ZMIZ1: variants seen among roughly 807,000 people sequenced by gnomAD.
ZMIZ1 encodes zinc finger MIZ-type containing 1.
ZMIZ1 carries 17 observed loss-of-function variants against 113.9 expected under a neutral mutation model. The ratio of observed to expected loss-of-function variants is 0.15; its 90% CI spans 0.10 to 0.22. The LOEUF is 0.22. ZMIZ1 is among the 10% of genes least tolerant of loss of function. The pLI is 1.00. For missense variants in ZMIZ1, 1,059 were observed against 1,477.8 expected (o/e 0.72, Z 4.65); for synonymous variants, 607 against 603.1 (o/e 1.01, Z -0.09).
At chr10:79,303,695 A>G (rs1486436453) in intron 18 of ZMIZ1, among the ~76,000 whole-genome samples, 1 of 152,218 alleles carries the variant, frequency 6.6e-6, no homozygotes, top group Admixed American at 6.5e-5. Context: ...GAGAAGTGCC[A>G]TAATGACTTT....
intron 4 of ZMIZ1, among the ~76,000 whole-genome samples, chr10:79,191,376 G>GGT (rs1564709312): frequency 6.6e-6 from 1 of 151,902 alleles, no homozygotes; most frequent in Non-Finnish European, 1.5e-5. Flanking sequence ...TGGTGGTCGG[G>GGT]GGGGGTCCTG....
At chr10:79,281,275 G>T (rs951717276) in intron 8 of ZMIZ1, among the ~76,000 whole-genome samples, 1 of 152,152 alleles carries the variant, frequency 6.6e-6, no homozygotes, top group African/African-American at 2.4e-5. Context: ...AGACTCACTG[G>T]GGCCACGTTG....
chr10:79,172,683 C>T (rs2132536415), intron 4 of ZMIZ1, among the ~76,000 whole-genome samples: 1 of 152,320 alleles, frequency 6.6e-6, no homozygotes, highest in South Asian at 2.1e-4. Flanking sequence ...CCCATCCAAC[C>T]TTCACTCCTG....
intron 1 of ZMIZ1, among the ~76,000 whole-genome samples, chr10:79,097,755 G>C (rs942915810): frequency 3.9e-5 from 6 of 152,054 alleles, no homozygotes; most frequent in African/African-American, 1.4e-4. Context: ...ATCAATTTCT[G>C]TCACTTTGGG....
chr10:79,202,812 G>A (rs987164118), intron 5 of ZMIZ1, among the ~76,000 whole-genome samples: 1 of 152,246 alleles, frequency 6.6e-6, no homozygotes, highest in African/African-American at 2.4e-5. Flanking sequence ...GAAGGACCAG[G>A]TACAGTGAGA....
In ZMIZ1 at chr10:79,296,069, A is replaced by C; in HGVS notation, c.1231-402A>C. On this transcript the variant is annotated intron_variant, in intron 12 of 24. Coordinates refer to ENST00000334512, the MANE Select transcript of ZMIZ1 (RefSeq NM_020338.4). This position sits in a 1 kb window ranked among gnomAD's most constrained non-coding sequence, Gnocchi z 4.1. ...GGGGCACAGGGGGCTCCTTTCTGGA[A>C]TTGCATCCTGTTGACTGTGTTCCTC... 4.5e-6 allele frequency: 1 copy of C among 220,348 alleles called. No individual in the cohort carries two copies. Among genetic ancestry groups the C allele is most frequent in the Non-Finnish European group, 9.2e-6 (1 of 109,154 alleles). 13.6% of individuals were successfully genotyped at this position (220,348 alleles called of 1,614,324 possible). A position where few individuals can be genotyped will look rare whatever the true frequency, so the allele number is the denominator to read the frequency against.
In ZMIZ1 at chr10:79,289,896, G is replaced by GC; in HGVS notation, c.540+9dup. ...CAACACATCCCAGAGCCAGGTAAGA[G>GC]CCTATACTGCCCTCAGCCACAGCTC... On this transcript the variant is annotated splice_region_variant and intron_variant, in intron 9 of 24. Transcript: ENST00000334512. The GC allele has an allele frequency of 1.2e-6, 2 of 1,612,532 alleles. No individual in the cohort carries two copies. The highest frequency in any genetic ancestry group is 8.5e-7 in the Non-Finnish European group (1 of 1,178,700).
intron 1 of ZMIZ1, among the ~76,000 whole-genome samples, chr10:79,071,544 G>A (rs879792288): frequency 2.6e-5 from 4 of 152,170 alleles, no homozygotes; most frequent in Admixed American, 1.3e-4. Context: ...TGAGATGAGA[G>A]AGCAAGCTCT....
chr10:79,201,665 C>T lies in ZMIZ1; in HGVS notation c.33C>T (p.Thr11=). Reference sequence around the variant, plus strand: ...CTATGGACAGGCACATCCAGCAGACCAATGACCGACTGCAGTGCATCAAGC... The same window carrying T: ...CTATGGACAGGCACATCCAGCAGACTAATGACCGACTGCAGTGCATCAAGC... The part of the protein sequence containing the change: MNSMDRHIQQ[T]NDRLQCIKQH... The change falls in exon 5 of 25, where the codon ACC becomes ACT. Residue 11 remains threonine, a synonymous_variant. Coordinates refer to ENST00000334512, the MANE Select transcript of ZMIZ1 (RefSeq NM_020338.4). 6.2e-7 allele frequency: 1 copy of T among 1,613,554 alleles called. No individual in the cohort carries two copies. Among genetic ancestry groups the T allele is most frequent in the South Asian group, 1.1e-5 (1 of 91,008 alleles).
At chr10:79,210,593 C>G (rs1340742970) in intron 6 of ZMIZ1, among the ~76,000 whole-genome samples, 1 of 152,218 alleles carries the variant, frequency 6.6e-6, no homozygotes, top group Non-Finnish European at 1.5e-5. Flanking sequence ...ACTGCTAATG[C>G]AAAGGCCCTG....
At chr10:79,100,642 A>C (rs975399431) in intron 1 of ZMIZ1, among the ~76,000 whole-genome samples, 8 of 152,198 alleles carry the variant, frequency 5.3e-5, no homozygotes, top group African/African-American at 1.9e-4. Context: ...CAGTAGCTGC[A>C]GTGGCTGCTT....
chr10:79,211,832 TGGGCTTAG>T (rs1025596862), intron 6 of ZMIZ1, among the ~76,000 whole-genome samples: 1 of 152,122 alleles, frequency 6.6e-6, no homozygotes, highest in Non-Finnish European at 1.5e-5. Context: ...CTCCCTCCCG[TGGGCTTAG>T]GGAACGGCGG....
At position 79,211,433 on chromosome 10, in the gene ZMIZ1, C is replaced by T. The variant is rs555914919; in HGVS notation, c.174+2984C>T. Among the ~76,000 whole-genome samples, 12 of 152,236 alleles carry T rather than the reference C, an allele frequency of 7.9e-5. 1 individual carries two copies. In the South Asian group the frequency reaches 2.5e-3, roughly 32 times the overall value. On this transcript the variant is annotated intron_variant, in intron 6 of 24. Transcript: ENST00000334512. ...GGGCAAGACAGCTGTCCCCTCCCCA[C>T]ACAAACGCACACACACCCTCCCTAT... is the stretch of plus-strand genomic sequence containing the variant.
chr10:79,119,487 C>T (rs975575616), intron 2 of ZMIZ1, among the ~76,000 whole-genome samples: 6 of 152,210 alleles, frequency 3.9e-5, no homozygotes, highest in Admixed American at 3.3e-4. Context: ...GAAAACTGAA[C>T]GTCACTCACT....
At chr10:79,240,137 C>G (rs962314568) in intron 7 of ZMIZ1, among the ~76,000 whole-genome samples, 1 of 151,786 alleles carries the variant, frequency 6.6e-6, no homozygotes, top group African/African-American at 2.4e-5. Context: ...CAAGCGCTGG[C>G]GGGCATTCAT....
At chr10:79,217,861 C>T (rs1848802258) in intron 7 of ZMIZ1, among the ~76,000 whole-genome samples, 1 of 152,226 alleles carries the variant, frequency 6.6e-6, no homozygotes, top group Admixed American at 6.5e-5. Context: ...GTCTTGGAAT[C>T]TCACAAGGGA....
intron 7 of ZMIZ1, among the ~76,000 whole-genome samples, chr10:79,237,869 G>A (rs143679583): frequency 2.2e-4 from 34 of 152,320 alleles, no homozygotes; most frequent in African/African-American, 7.7e-4. Flanking sequence ...AAAGGAGGAG[G>A]TCGAGGCTCT....
chr10:79,277,075 C>T (rs1183152531), intron 7 of ZMIZ1, 106 bp from the exon 8 acceptor site: 1 of 1,382,088 alleles, frequency 7.2e-7, no homozygotes, highest in Non-Finnish European at 9.5e-7. Flanking sequence ...AATCTGGGAG[C>T]AAAACCAGCA....
At chr10:79,251,404 C>T (rs539620683) in intron 7 of ZMIZ1, among the ~76,000 whole-genome samples, 55 of 152,278 alleles carry the variant, frequency 3.6e-4, no homozygotes, top group African/African-American at 1.2e-3. Flanking sequence ...TCCTGCTCTA[C>T]GTGGTTCTCC....
Sources: gnomAD v4.1 joint callset for allele counts (sites outside exome capture counted in the v4.1 genomes callset) on GRCh38, gnomAD v4.1.1 for gene constraint, Gnocchi (gnomAD v3.1) non-coding constraint, MANE v1.5 for transcripts, NCBI Gene and HGNC (gene_info 2026-07-23, HGNC 2026-07-21) for gene names.